Variants in DNAH5 observed in about 807,000 individuals in gnomAD.
DNAH5 encodes the protein dynein axonemal heavy chain 5, also known as axonemal beta dynein heavy chain 5.
Under a neutral mutation model 518.2 loss-of-function variants are expected in DNAH5, and 372 were observed. That is an observed-to-expected ratio of 0.72 (90% confidence interval 0.66 to 0.78). The LOEUF (loss-of-function observed/expected upper bound fraction) is 0.78. DNAH5 is among the 30% of genes least tolerant of loss of function. The probability of loss-of-function intolerance (pLI) is 0.00; values close to 1 mark genes in which losing one functional copy is unlikely to be tolerated. For missense variants in DNAH5, 5,523 were observed against 5,687.0 expected (o/e 0.97, Z 0.93); for synonymous variants, 2,039 against 2,025.9 (o/e 1.01, Z -0.17).
chr5:13,936,668 G>A (rs535596021), intron 1 of DNAH5, among the ~76,000 whole-genome samples: 4 of 152,288 alleles, frequency 2.6e-5, no homozygotes, highest in East Asian at 1.9e-4. Flanking sequence ...AACAGCACTC[G>A]AATTAAAATG....
chr5:13,834,340 A>G (rs1764087491), intron 35 of DNAH5, among the ~76,000 whole-genome samples: 1 of 152,206 alleles, frequency 6.6e-6, no homozygotes, highest in Non-Finnish European at 1.5e-5. Flanking sequence ...TTTAATGTCT[A>G]AGCATCCACA....
chr5:13,930,769 G>A (rs1426969452), intron 2 of DNAH5, among the ~76,000 whole-genome samples: 2 of 152,210 alleles, frequency 1.3e-5, no homozygotes, highest in African/African-American at 2.4e-5. Flanking sequence ...CAGGGGAAAT[G>A]CACAAAAGAC....
intron 12 of DNAH5, among the ~76,000 whole-genome samples, chr5:13,902,718 C>G (rs1330929618): frequency 6.6e-6 from 1 of 152,158 alleles, no homozygotes; most frequent in Non-Finnish European, 1.5e-5. Flanking sequence ...GACCCCTGCC[C>G]TAGAGGAACT....
At chr5:13,849,012 T>C (rs1263555425) in intron 31 of DNAH5, among the ~76,000 whole-genome samples, 1 of 152,226 alleles carries the variant, frequency 6.6e-6, no homozygotes, top group East Asian at 1.9e-4. Context: ...ACCTCTAGCT[T>C]CAAGGTAGTG....
intron 7 of DNAH5, among the ~76,000 whole-genome samples, chr5:13,918,840 T>A (rs1776939475): frequency 6.6e-6 from 1 of 152,152 alleles, no homozygotes; most frequent in South Asian, 2.1e-4. Context: ...GACTAAAAAA[T>A]AAATACAGAT....
intron 66 of DNAH5, 51 bp from the exon 67 acceptor site, chr5:13,735,983 G>C (rs751017998): frequency 1.4e-6 from 2 of 1,431,314 alleles, no homozygotes; most frequent in Non-Finnish European, 2.0e-6. Context: ...GAAAATAAAT[G>C]ATCCATGCAA....
At chr5:13,799,216 A>AC (rs1333457909) in intron 47 of DNAH5, among the ~76,000 whole-genome samples, 8 of 100,318 alleles carry the variant, frequency 8.0e-5, no homozygotes, top group East Asian at 6.2e-4. Flanking sequence ...ACCCCCCCCC[A>AC]CAAAAATGCA....
At chr5:13,724,702 G>C (rs1386900764) in intron 70 of DNAH5, among the ~76,000 whole-genome samples, 1 of 152,154 alleles carries the variant, frequency 6.6e-6, no homozygotes, top group Non-Finnish European at 1.5e-5. Flanking sequence ...TGAATGGCTT[G>C]GTGCTGTACT....
At position 13,916,630 on chromosome 5, in the gene DNAH5, C is replaced by T. The variant is rs1445821; in HGVS notation, c.1090-175G>A. ...TATTTAATATTAATTTTATTAGTCA[C>T]ATATGGTTAATCAAATTTTATTTCA... is the stretch of plus-strand genomic sequence containing the variant. On this transcript the variant is annotated intron_variant, in intron 8 of 78. Transcript: ENST00000265104. 0.44 allele frequency among the ~76,000 whole-genome samples: 66,317 copies of T among 151,650 alleles called. 15,327 individuals are homozygous for T. Among genetic ancestry groups the T allele is most frequent in the East Asian group, 0.85 (4,413 of 5,178 alleles).
At chr5:13,709,619 G>A (rs1178604767) in intron 75 of DNAH5, among the ~76,000 whole-genome samples, 1 of 152,124 alleles carries the variant, frequency 6.6e-6, no homozygotes, top group African/African-American at 2.4e-5. Flanking sequence ...ATTAGCTCCG[G>A]ATCTACTCCA....
intron 68 of DNAH5, among the ~76,000 whole-genome samples, chr5:13,732,085 A>C (rs1413225892): frequency 1.3e-5 from 2 of 148,548 alleles, no homozygotes; most frequent in Non-Finnish European, 3.0e-5. Context: ...GCACCACTGC[A>C]CTCTAGCTTG....
chr5:13,817,887 C>T (rs1761664898), intron 41 of DNAH5, among the ~76,000 whole-genome samples, 193 bp from the exon 42 acceptor site: 1 of 152,138 alleles, frequency 6.6e-6, no homozygotes, highest in Admixed American at 6.5e-5. Context: ...GACTAAAGCA[C>T]TTTTTTATCT....
At chr5:13,704,825 C>T (rs1742569583) in intron 76 of DNAH5, among the ~76,000 whole-genome samples, 2 of 152,040 alleles carry the variant, frequency 1.3e-5, no homozygotes, top group African/African-American at 4.8e-5. Flanking sequence ...GAGTTGAACT[C>T]ATAGAAATAG....
chr5:13,751,583 C>T (rs562050161), intron 64 of DNAH5, among the ~76,000 whole-genome samples: 102 of 152,124 alleles, frequency 6.7e-4, no homozygotes, highest in Non-Finnish European at 9.1e-4. Flanking sequence ...CAGGTTGAGA[C>T]TGATGATGCT....
At chr5:13,947,029 A>G (rs1779981973), upstream of DNAH5, among the ~76,000 whole-genome samples, 1 of 152,250 alleles carries the variant, frequency 6.6e-6, no homozygotes, top group Non-Finnish European at 1.5e-5. Context: ...GTGCATTCTG[A>G]TTTCACAGAT....
At chr5:13,790,993 A>T (rs1457557266) in intron 50 of DNAH5, among the ~76,000 whole-genome samples, 7 of 152,154 alleles carry the variant, frequency 4.6e-5, no homozygotes, top group Non-Finnish European at 1.5e-5. Flanking sequence ...CTGGGTGATG[A>T]AATAATCTGT....
At chr5:13,718,295 A>G (rs1404742223) in intron 72 of DNAH5, among the ~76,000 whole-genome samples, 2 of 152,240 alleles carry the variant, frequency 1.3e-5, no homozygotes, top group African/African-American at 4.8e-5. Context: ...AAAAGAACAA[A>G]GTAATTGTCA....
chr5:13,825,875 CA>C (rs922229693), intron 38 of DNAH5, among the ~76,000 whole-genome samples: 1 of 151,586 alleles, frequency 6.6e-6, no homozygotes, highest in Non-Finnish European at 1.5e-5. Flanking sequence ...TTTACCACAA[CA>C]AAAAAAATGT....
chr5:13,859,180 T>A (rs562807230), intron 30 of DNAH5, among the ~76,000 whole-genome samples: 24 of 152,282 alleles, frequency 1.6e-4, no homozygotes, highest in South Asian at 1.0e-3. Flanking sequence ...AAGAAGCATA[T>A]CAATTATGCG....
Sources: gnomAD v4.1 joint callset for allele counts (sites outside exome capture counted in the v4.1 genomes callset) on GRCh38, gnomAD v4.1.1 for gene constraint, MANE v1.5 for transcripts, NCBI Gene and HGNC (gene_info 2026-07-23, HGNC 2026-07-21) for gene names.